DCC: variants seen among roughly 807,000 people sequenced by gnomAD.
DCC encodes the protein netrin receptor DCC.
A neutral mutation model predicts 172.5 loss-of-function variants in DCC; 58 were observed. That is an observed-to-expected ratio of 0.34 (90% CI 0.27 to 0.42). DCC has a LOEUF of 0.42. Ranked by LOEUF, DCC falls within the 10% of genes least tolerant of loss-of-function variation. DCC has a pLI of 1.00. For missense variants in DCC, 1,740 were observed against 1,791.0 expected (o/e 0.97, Z 0.51); for synonymous variants, 709 against 644.5 (o/e 1.10, Z -1.52).
intron 24 of DCC, among the ~76,000 whole-genome samples, chr18:53,463,222 C>T (rs538303610): frequency 6.6e-6 from 1 of 152,324 alleles, no homozygotes. Flanking sequence ...TCCTTCTAAC[C>T]TTTTCCTTTC....
chr18:52,435,982 C>T (rs1255302436), intron 1 of DCC, among the ~76,000 whole-genome samples: 4 of 152,216 alleles, frequency 2.6e-5, no homozygotes, highest in African/African-American at 4.8e-5. Flanking sequence ...CCCAGTAGGA[C>T]ATTGTCTCTA....
Position 53,161,942 on chromosome 18 carries a change from A to G in DCC, c.1418+4430A>G, listed in dbSNP as rs182531254. On this transcript the variant is annotated intron_variant, in intron 8 of 28. Coordinates refer to ENST00000442544, the MANE Select transcript of DCC (RefSeq NM_005215.4). ...TTATGGAAATAAAGTATTTCATCAT[A>G]TTATTCTGCCTAGTTTTATATTGTT... Among the ~76,000 whole-genome samples, 637 of 152,320 alleles carry G rather than the reference A, an allele frequency of 4.2e-3. 1 individual carries two copies. Among genetic ancestry groups the G allele is most frequent in the Middle Eastern group, 6.8e-3 (2 of 294 alleles).
intron 25 of DCC, among the ~76,000 whole-genome samples, chr18:53,478,900 G>A (rs1269018139): frequency 2.0e-5 from 3 of 152,214 alleles, no homozygotes; most frequent in Non-Finnish European, 4.4e-5. Flanking sequence ...GACATTGAGA[G>A]GGACTCGTCT....
Position 52,906,188 on chromosome 18 carries a change from A to C in DCC, c.557A>C (p.Asp186Ala). 6.2e-7 allele frequency: 1 copy of C among 1,613,840 alleles called. No homozygotes were observed. Among genetic ancestry groups the C allele is most frequent in the Non-Finnish European group, 8.5e-7 (1 of 1,179,998 alleles). ...NQQDLTPIPG[D>A]SRVVVLPSGA... ...CAAGACCTGACTCCAATCCCAGGTG[A>C]CTCCCGAGTGGTGGTCTTGCCCTCT... Residue 186 changes from aspartate to alanine, a missense_variant, in exon 3 of 29, where the codon GAC becomes GCC. Transcript: ENST00000442544.
chr18:52,609,811 C>T (rs2144834550), intron 1 of DCC, among the ~76,000 whole-genome samples: 2 of 151,362 alleles, frequency 1.3e-5, no homozygotes, highest in Middle Eastern at 3.4e-3. Context: ...ATAGATGACT[C>T]AAATATCTTG....
chr18:52,348,065 A>G (rs8083274), intron 1 of DCC, among the ~76,000 whole-genome samples: 1 of 152,190 alleles, frequency 6.6e-6, no homozygotes, highest in African/African-American at 2.4e-5. Context: ...TGTTCTTAAC[A>G]GTAATAAAAT....
At chr18:52,606,766 T>G (rs2034140289) in intron 1 of DCC, among the ~76,000 whole-genome samples, 2 of 152,294 alleles carry the variant, frequency 1.3e-5, no homozygotes, top group East Asian at 3.9e-4. Context: ...ACTTTGCAGA[T>G]AGATTATGAG....
chr18:53,268,884 G>A (rs955236418), intron 12 of DCC, among the ~76,000 whole-genome samples: 2 of 152,174 alleles, frequency 1.3e-5, no homozygotes, highest in Non-Finnish European at 2.9e-5. Context: ...AGTGGACAAG[G>A]AACTAGGGCT....
At chr18:53,036,705 C>G (rs1159993749) in intron 5 of DCC, among the ~76,000 whole-genome samples, 2 of 151,920 alleles carry the variant, frequency 1.3e-5, no homozygotes, top group Non-Finnish European at 2.9e-5. Context: ...AATATGCACC[C>G]CTAATCCTAT....
intron 1 of DCC, among the ~76,000 whole-genome samples, chr18:52,546,514 A>G (rs182037576): frequency 3.3e-3 from 498 of 152,266 alleles, no homozygotes; most frequent in Non-Finnish European, 5.1e-3. Context: ...CACCTATCAG[A>G]AGGGGACTCA....
intron 1 of DCC, among the ~76,000 whole-genome samples, chr18:52,538,531 C>T (rs2032348622): frequency 1.3e-5 from 2 of 152,116 alleles, no homozygotes; most frequent in South Asian, 4.1e-4. Flanking sequence ...TTATTTAGTA[C>T]ATAATAAATC....
intron 2 of DCC, among the ~76,000 whole-genome samples, chr18:52,799,558 C>T (rs528400573): frequency 6.6e-6 from 1 of 152,300 alleles, no homozygotes; most frequent in South Asian, 2.1e-4. Context: ...TCATGATAGG[C>T]TCTATCCAGT....
At chr18:53,495,459 G>C (rs2046010179) in intron 26 of DCC, among the ~76,000 whole-genome samples, 1 of 151,874 alleles carries the variant, frequency 6.6e-6, no homozygotes, top group Non-Finnish European at 1.5e-5. Flanking sequence ...ACTCTTTCTG[G>C]CTTATAGAGT....
intron 2 of DCC, among the ~76,000 whole-genome samples, chr18:52,824,792 G>A (rs757119139): frequency 9.2e-5 from 14 of 151,894 alleles, no homozygotes; most frequent in Non-Finnish European, 1.6e-4. Flanking sequence ...CCAACATAGC[G>A]AAACCCCGTC....
intron 12 of DCC, among the ~76,000 whole-genome samples, chr18:53,303,682 G>A (rs1304997054): frequency 6.6e-6 from 1 of 152,132 alleles, no homozygotes; most frequent in Non-Finnish European, 1.5e-5. Flanking sequence ...GAGCTAGGGT[G>A]AGCACTTTTG....
At chr18:52,742,189 C>T (rs2036832209) in intron 1 of DCC, among the ~76,000 whole-genome samples, 1 of 152,140 alleles carries the variant, frequency 6.6e-6, no homozygotes, top group African/African-American at 2.4e-5. Flanking sequence ...TTTTAAGCCA[C>T]CCAATCTATG....
At chr18:53,503,903 T>C (rs2046135897) in intron 27 of DCC, among the ~76,000 whole-genome samples, 1 of 152,048 alleles carries the variant, frequency 6.6e-6, no homozygotes, top group Admixed American at 6.5e-5. Flanking sequence ...CTCCAGAGCA[T>C]TCTGATCTTT....
At chr18:52,823,634 CAAAATA>C (rs537330275) in intron 2 of DCC, among the ~76,000 whole-genome samples, 130 of 151,968 alleles carry the variant, frequency 8.6e-4, no homozygotes, top group African/African-American at 3.1e-3. Context: ...TGGACAAGGA[CAAAATA>C]AAAATGAGCT....
At chr18:52,996,829 T>C (rs1421794449) in intron 5 of DCC, among the ~76,000 whole-genome samples, 3 of 145,392 alleles carry the variant, frequency 2.1e-5, no homozygotes, top group African/African-American at 7.6e-5. Context: ...CACATCTCCC[T>C]CTCGCCCTCT....
Sources: allele counts gnomAD v4.1 joint callset (sites outside exome capture counted in the v4.1 genomes callset), GRCh38; gene constraint gnomAD v4.1.1; transcripts MANE v1.5; gene names NCBI Gene and HGNC (gene_info 2026-07-23, HGNC 2026-07-21).